Variants in DRC4 observed in about 807,000 individuals in gnomAD.
DRC4 encodes the protein dynein regulatory complex subunit 4.
the DRC4 span, among the ~76,000 whole-genome samples, chr16:90,025,626 G>A: frequency 1.5e-5 from 2 of 133,510 alleles, no homozygotes; most frequent in African/African-American, 5.8e-5. Flanking sequence ...CTCCAGCCTG[G>A]GCAACAGAGC....
At chr16:90,044,788 G>A in the DRC4 span, 1 of 343,076 alleles carries the variant, frequency 2.9e-6, no homozygotes, top group South Asian at 2.2e-5. Flanking sequence ...GCAGTCTAGG[G>A]ACACCACTGC....
At chr16:90,041,477 G>GCCAGCAGCGC in the DRC4 span, among the ~76,000 whole-genome samples, 3 of 152,254 alleles carry the variant, frequency 2.0e-5, no homozygotes, top group South Asian at 6.2e-4. Context: ...TCTGGGCGGG[G>GCCAGCAGCGC]CCAGCGCTGC....
the DRC4 span, chr16:90,031,587 G>A: frequency 5.9e-6 from 8 of 1,362,052 alleles, no homozygotes; most frequent in Admixed American, 7.4e-5. Flanking sequence ...GACATTTTCT[G>A]TTCTTGGCTT....
chr16:90,042,767 G>T, the DRC4 span: 1 of 562,240 alleles, frequency 1.8e-6, no homozygotes, highest in South Asian at 2.0e-5. Context: ...GGGTGTAGGG[G>T]GGGACCTGGA....
chr16:90,040,194 G>A, the DRC4 span: 3 of 1,095,712 alleles, frequency 2.7e-6, no homozygotes, highest in Non-Finnish European at 2.7e-6. Flanking sequence ...GCACTGTTGG[G>A]AGGCAGCGTG....
chr16:90,029,647 T>C, the DRC4 span: 1 of 160,266 alleles, frequency 6.2e-6, no homozygotes, highest in Non-Finnish European at 1.2e-5. Flanking sequence ...TGCTGCTCCT[T>C]CTTGTTTGCT....
chr16:90,040,148 G>A, the DRC4 span: 1 of 722,206 alleles, frequency 1.4e-6, no homozygotes, highest in South Asian at 1.7e-5. Context: ...CGCAGGCAGT[G>A]TGGACAACAC....
the DRC4 span, among the ~76,000 whole-genome samples, chr16:90,023,893 G>T: frequency 8.0e-5 from 11 of 137,764 alleles, no homozygotes; most frequent in African/African-American, 2.8e-4. Context: ...TCGGGAGGCT[G>T]AGGCAGGAGA....
At chr16:90,040,353 G>C in the DRC4 span, 1 of 1,606,944 alleles carries the variant, frequency 6.2e-7, no homozygotes. Context: ...CCATCCAGGA[G>C]GTGCAGCAGA....
the DRC4 span, chr16:90,035,564 G>T: frequency 1.2e-6 from 2 of 1,605,894 alleles, no homozygotes; most frequent in African/African-American, 1.3e-5. Context: ...GAGGAACAGG[G>T]TCAGCCTGAA....
the DRC4 span, among the ~76,000 whole-genome samples, chr16:90,025,154 C>G: frequency 6.6e-6 from 1 of 150,812 alleles, no homozygotes; most frequent in African/African-American, 2.4e-5. Flanking sequence ...GTACCTGGGA[C>G]TACAGGTGCC....
At chr16:90,037,982 C>A in the DRC4 span, 1 of 771,802 alleles carries the variant, frequency 1.3e-6, no homozygotes, top group Admixed American at 2.1e-5. Flanking sequence ...GGACGGGGCT[C>A]TCCTTGTGGC....
chr16:90,024,018 G>A, the DRC4 span, among the ~76,000 whole-genome samples: 1 of 149,362 alleles, frequency 6.7e-6, no homozygotes, highest in Non-Finnish European at 1.5e-5. Flanking sequence ...AGTGGCTGAC[G>A]CCTGTAAACC....
chr16:90,042,622 G>A, the DRC4 span: 8 of 1,120,864 alleles, frequency 7.1e-6, no homozygotes, highest in Non-Finnish European at 9.4e-6. Context: ...GACCCCACCT[G>A]TGCCCACTTC....
chr16:90,033,675 G>A, the DRC4 span, among the ~76,000 whole-genome samples: 2 of 152,022 alleles, frequency 1.3e-5, no homozygotes, highest in Non-Finnish European at 2.9e-5. Context: ...AAAGGAAAGA[G>A]ATCATTTGCT....
chr16:90,035,627 G>C, the DRC4 span: 6 of 1,614,162 alleles, frequency 3.7e-6, no homozygotes, highest in Admixed American at 1.7e-5. Context: ...GCTTCTCCCT[G>C]TGCAGAAACA....
chr16:90,028,173 A>ATTTTTTTTTTTTTTTT, the DRC4 span, among the ~76,000 whole-genome samples: 41 of 63,838 alleles, frequency 6.4e-4, 10 homozygotes, highest in African/African-American at 1.8e-3. Context: ...TTAATCGTTC[A>ATTTTTTTTTTTTTTTT]TTTTTTTTTT....
chr16:90,029,334 C>T, the DRC4 span: 2 of 1,359,014 alleles, frequency 1.5e-6, no homozygotes, highest in African/African-American at 3.0e-5. Context: ...CAGCAGAGGA[C>T]AGTTTCATCT....
the DRC4 span, chr16:90,020,125 G>T: frequency 1.7e-6 from 1 of 598,368 alleles, no homozygotes; most frequent in Non-Finnish European, 3.0e-6. Flanking sequence ...TCATTTTGAA[G>T]CAAATTATAT....
Sources: allele counts gnomAD v4.1 joint callset (sites outside exome capture counted in the v4.1 genomes callset), GRCh38; gene constraint gnomAD v4.1.1; transcripts MANE v1.5; gene names NCBI Gene and HGNC (gene_info 2026-07-23, HGNC 2026-07-21).